Variants in DSCAM observed in about 807,000 individuals in gnomAD.
The protein encoded by DSCAM is cell adhesion molecule DSCAM.
Under a neutral mutation model 217.7 loss-of-function variants are expected in DSCAM, and 47 were observed. That is an observed-to-expected ratio of 0.22 (90% confidence interval 0.17 to 0.28). DSCAM has a LOEUF of 0.28. Among genes scored for constraint, DSCAM ranks in the 10% least tolerant of loss-of-function variants. The pLI is 1.00. For synonymous variants in DSCAM, 1,056 were observed against 1,015.3 expected, an observed-to-expected ratio of 1.04 and a Z score of -0.76; for missense variants, 2,080 against 2,618.3, an observed-to-expected ratio of 0.79 and a Z score of 4.49.
intron 14 of DSCAM, among the ~76,000 whole-genome samples, chr21:40,184,622 C>T (rs1038495350): frequency 6.6e-6 from 1 of 152,150 alleles, no homozygotes; most frequent in Non-Finnish European, 1.5e-5. Context: ...TTATATAAAC[C>T]ATGATCAATT....
At chr21:40,663,279 A>G (rs1357207818) in intron 3 of DSCAM, among the ~76,000 whole-genome samples, 3 of 139,706 alleles carry the variant, frequency 2.1e-5, no homozygotes, top group Non-Finnish European at 3.1e-5. Flanking sequence ...GGGGGGGTGT[A>G]TATGTGTGTG....
chr21:40,083,851 A>G, intron 24 of DSCAM, 57 bp downstream of exon 24: 1 of 1,412,780 alleles, frequency 7.1e-7, no homozygotes, highest in Non-Finnish European at 9.8e-7. Context: ...TGTGTCACTT[A>G]TTGGCATGTG....
At chr21:40,425,580 G>A (rs1300793694) in intron 3 of DSCAM, among the ~76,000 whole-genome samples, 5 of 148,858 alleles carry the variant, frequency 3.4e-5, no homozygotes, top group South Asian at 2.1e-4. Context: ...GCGTGGTGGC[G>A]GGTGCCTGTA....
intron 21 of DSCAM, among the ~76,000 whole-genome samples, chr21:40,091,986 G>A (rs2089616554): frequency 6.6e-6 from 1 of 152,130 alleles, no homozygotes. Context: ...ATCACTGACT[G>A]GCTCCCCACC....
chr21:40,776,511 G>C (rs1365213605), intron 1 of DSCAM, among the ~76,000 whole-genome samples: 1 of 152,178 alleles, frequency 6.6e-6, no homozygotes, highest in Admixed American at 6.5e-5. Context: ...TCTATTAGGA[G>C]GTTGCAGTTG....
chr21:40,035,269 C>T (rs1450337223), intron 32 of DSCAM, among the ~76,000 whole-genome samples: 3 of 105,400 alleles, frequency 2.8e-5, no homozygotes, highest in Non-Finnish European at 5.7e-5. Flanking sequence ...TCAGGAAACC[C>T]ATCTCACGTG....
rs138187453 is a variant in DSCAM, at chr21:40,593,614, G to A, written c.508+99196C>T. On this transcript the variant is annotated intron_variant, in intron 3 of 32. Transcript: ENST00000400454. Reference sequence around the variant, plus strand: ...ACCCACCTTGGCCTCCCAAAGTGCTGGGACTACAGGCATGAGCCACTATAC... The same window carrying A: ...ACCCACCTTGGCCTCCCAAAGTGCTAGGACTACAGGCATGAGCCACTATAC... Among the ~76,000 whole-genome samples the A allele has an allele frequency of 6.7e-3, 1,016 of 152,266 alleles. 7 individuals are homozygous for A. The highest frequency in any genetic ancestry group is 7.9e-3 in the Non-Finnish European group (535 of 68,020).
intron 6 of DSCAM, among the ~76,000 whole-genome samples, chr21:40,340,666 C>T (rs1310429758): frequency 1.3e-5 from 2 of 152,084 alleles, no homozygotes; most frequent in African/African-American, 4.8e-5. Flanking sequence ...AGGGTTGTCC[C>T]ATAATGAAAG....
intron 1 of DSCAM, among the ~76,000 whole-genome samples, chr21:40,751,646 C>T (rs1200449778): frequency 1.3e-5 from 2 of 152,030 alleles, no homozygotes; most frequent in African/African-American, 2.4e-5. Context: ...CTACAAAGAA[C>T]ATTGAGGATT....
intron 1 of DSCAM, among the ~76,000 whole-genome samples, chr21:40,785,103 A>C (rs910125882): frequency 3.3e-5 from 5 of 152,234 alleles, no homozygotes; most frequent in African/African-American, 1.2e-4. Flanking sequence ...AATACAAATA[A>C]AATGGAAATA....
chr21:40,078,683 T>C lies in DSCAM; in HGVS notation c.4711+4A>G. 6.2e-7 allele frequency: 1 copy of C among 1,610,756 alleles called. No individual in the cohort carries two copies. Among genetic ancestry groups the C allele is most frequent in the Non-Finnish European group, 8.5e-7 (1 of 1,177,494 alleles). ...CAGGAGAGCCACAAAGCCAGCCAGC[T>C]TACTGCCATCGTAGTTCAGCGTAGC... On this transcript the variant is annotated splice_donor_region_variant and intron_variant, in intron 26 of 32. Transcript: ENST00000400454.
At chr21:40,799,066 G>C (rs1032204159) in intron 1 of DSCAM, among the ~76,000 whole-genome samples, 1 of 152,110 alleles carries the variant, frequency 6.6e-6, no homozygotes, top group African/African-American at 2.4e-5. Flanking sequence ...AGTTAAGTTT[G>C]TAGGCAAAGG....
At chr21:40,767,009 GTTCT>G (rs915744175) in intron 1 of DSCAM, among the ~76,000 whole-genome samples, 11 of 152,200 alleles carry the variant, frequency 7.2e-5, no homozygotes, top group East Asian at 1.9e-4. Flanking sequence ...TAATTTCATG[GTTCT>G]TTGTTTTAAA....
rs2075418423 is a variant in DSCAM at position 40,420,950 on chromosome 21, C to T, written c.509-51705G>A. Among the ~76,000 whole-genome samples the T allele has an allele frequency of 3.9e-5, 6 of 152,270 alleles. No individual in the cohort carries two copies. In the South Asian group the frequency reaches 1.2e-3, roughly 32 times the overall value. ...GATGATGCATTTCTTTCGCTGTAAG[C>T]CACTCACTGTGTGTGCTTTGTGATG... On this transcript the variant is annotated intron_variant, in intron 3 of 32. Transcript: ENST00000400454.
chr21:40,692,880 A>G lies in DSCAM; in HGVS notation c.438T>C (p.Ile146=). The change falls in exon 3 of 33, where the codon ATT becomes ATC. Residue 146 remains isoleucine (I), a synonymous_variant. Transcript: ENST00000400454. ...TGTACGCCTCCACCGAGGAGGGGAT[A>G]ATGCACTTGAAGACCGCAACATTGC... ...MRGNVAVFKC[I]IPSSVEAYIT... The G allele has an allele frequency of 6.2e-7, 1 of 1,614,040 alleles. No individual in the cohort carries two copies. Among genetic ancestry groups the G allele is most frequent in the Non-Finnish European group, 8.5e-7 (1 of 1,179,930 alleles).
chr21:40,764,830 CT>C (rs1258589841), intron 1 of DSCAM, among the ~76,000 whole-genome samples: 1 of 152,080 alleles, frequency 6.6e-6, no homozygotes, highest in East Asian at 1.9e-4. Flanking sequence ...AACCATCATC[CT>C]CAGCAAACTA....
chr21:40,231,507 A>C (rs116342820), intron 11 of DSCAM, among the ~76,000 whole-genome samples: 10,268 of 150,324 alleles, frequency 0.068, 712 homozygotes, highest in African/African-American at 0.17. Flanking sequence ...CTTTTCTTTT[A>C]TTTCTTTTTT....
intron 3 of DSCAM, among the ~76,000 whole-genome samples, chr21:40,512,334 G>A (rs2146063468): frequency 6.6e-6 from 1 of 152,026 alleles, no homozygotes; most frequent in East Asian, 1.9e-4. Flanking sequence ...TGCACACTGG[G>A]GATACAACAG....
At chr21:40,133,234 G>C (rs2090172173) in intron 19 of DSCAM, among the ~76,000 whole-genome samples, 1 of 152,150 alleles carries the variant, frequency 6.6e-6, no homozygotes, top group South Asian at 2.1e-4. Context: ...TTTGTTGTAT[G>C]GTTTTTGTAC....
Sources: gnomAD v4.1 joint callset for allele counts (sites outside exome capture counted in the v4.1 genomes callset) on GRCh38, gnomAD v4.1.1 for gene constraint, MANE v1.5 for transcripts, NCBI Gene and HGNC (gene_info 2026-07-23, HGNC 2026-07-21) for gene names.